Variants in PABPC4L observed in about 807,000 individuals in gnomAD.
PABPC4L encodes the protein polyadenylate-binding protein 4-like.
For missense variants in PABPC4L, 452 were observed against 451.4 expected (o/e 1.00, Z -0.01); for synonymous variants, 169 against 164.1 (o/e 1.03, Z -0.23).
the PABPC4L span, among the ~76,000 whole-genome samples, chr4:134,052,970 G>T: frequency 6.6e-6 from 1 of 152,020 alleles, no homozygotes; most frequent in Non-Finnish European, 1.5e-5. Context: ...TTCTTTGGAA[G>T]CATGACTGTG....
At chr4:134,187,649 A>T in the PABPC4L span, among the ~76,000 whole-genome samples, 1 of 151,896 alleles carries the variant, frequency 6.6e-6, no homozygotes, top group Non-Finnish European at 1.5e-5. Context: ...ATTTTTGGAG[A>T]ATTGACTCCT....
chr4:134,156,252 A>T, the PABPC4L span, among the ~76,000 whole-genome samples: 3 of 151,992 alleles, frequency 2.0e-5, no homozygotes, highest in African/African-American at 7.2e-5. Flanking sequence ...GTTAAGAAGA[A>T]GTATAAATTA....
At chr4:134,026,599 T>C in the PABPC4L span, among the ~76,000 whole-genome samples, 1 of 152,150 alleles carries the variant, frequency 6.6e-6, no homozygotes, top group Non-Finnish European at 1.5e-5. Flanking sequence ...GGGGTAGCCC[T>C]ATGTTATGGG....
the PABPC4L span, among the ~76,000 whole-genome samples, chr4:134,099,254 C>A: frequency 6.6e-6 from 1 of 151,584 alleles, no homozygotes; most frequent in Non-Finnish European, 1.5e-5. Flanking sequence ...TTAAAATTAT[C>A]TTTTTCTAAA....
the PABPC4L span, among the ~76,000 whole-genome samples, chr4:134,093,957 A>T: frequency 2.0e-5 from 3 of 151,604 alleles, no homozygotes; most frequent in Non-Finnish European, 4.4e-5. Context: ...TTATATTTTT[A>T]AAAATTTCTT....
the PABPC4L span, among the ~76,000 whole-genome samples, chr4:134,176,196 G>A: frequency 6.6e-6 from 1 of 151,986 alleles, no homozygotes; most frequent in East Asian, 1.9e-4. Flanking sequence ...TAGAAACTGT[G>A]AAGGTATTAA....
the PABPC4L span, among the ~76,000 whole-genome samples, chr4:134,149,879 A>G: frequency 6.6e-6 from 1 of 152,222 alleles, no homozygotes; most frequent in South Asian, 2.1e-4. Flanking sequence ...AAGGGATGGT[A>G]GCAATACTTA....
chr4:133,976,424 A>G, the PABPC4L span, among the ~76,000 whole-genome samples: 1 of 152,128 alleles, frequency 6.6e-6, no homozygotes, highest in Non-Finnish European at 1.5e-5. Flanking sequence ...ATATGCGTGT[A>G]CATATCTTTA....
chr4:133,959,741 C>A, the PABPC4L span, among the ~76,000 whole-genome samples: 1 of 152,228 alleles, frequency 6.6e-6, no homozygotes, highest in South Asian at 2.1e-4. Flanking sequence ...AACATAAAGT[C>A]TTAAATGACA....
the PABPC4L span, among the ~76,000 whole-genome samples, chr4:134,056,138 C>T: frequency 6.6e-6 from 1 of 151,826 alleles, no homozygotes; most frequent in Admixed American, 6.6e-5. Flanking sequence ...TTTATATCGG[C>T]CTTTTCTGGA....
chr4:133,952,060 G>A, the PABPC4L span, among the ~76,000 whole-genome samples: 1 of 152,002 alleles, frequency 6.6e-6, no homozygotes, highest in Non-Finnish European at 1.5e-5. Context: ...TTTCCCTTAG[G>A]AAACTAAGCA....
the PABPC4L span, among the ~76,000 whole-genome samples, chr4:134,049,989 G>A: frequency 6.6e-6 from 1 of 152,072 alleles, no homozygotes; most frequent in Non-Finnish European, 1.5e-5. Flanking sequence ...TCCTTTCACT[G>A]GTGGGATCAG....
the PABPC4L span, among the ~76,000 whole-genome samples, chr4:134,094,034 T>A: frequency 6.6e-6 from 1 of 151,934 alleles, no homozygotes; most frequent in African/African-American, 2.4e-5. Context: ...GCATGCCATG[T>A]ATGAGAAGTC....
the PABPC4L span, among the ~76,000 whole-genome samples, chr4:134,108,176 C>A: frequency 6.6e-6 from 1 of 151,566 alleles, no homozygotes; most frequent in Non-Finnish European, 1.5e-5. Context: ...TGCACATGTA[C>A]ACATATATAC....
chr4:134,014,432 C>T, the PABPC4L span, among the ~76,000 whole-genome samples: 1 of 152,306 alleles, frequency 6.6e-6, no homozygotes. Context: ...ACTGCCTCCC[C>T]CAGGAACTTG....
chr4:134,079,578 CAAAAAAAAAAAAAAAAAA>C, the PABPC4L span, among the ~76,000 whole-genome samples: 10 of 90,684 alleles, frequency 1.1e-4, no homozygotes, highest in African/African-American at 2.9e-4. Context: ...GACTTCCTCT[CAAAAAAAAAAAAAAAAAA>C]AAAAAAAAAA....
At chr4:133,961,714 G>A in the PABPC4L span, among the ~76,000 whole-genome samples, 36 of 152,026 alleles carry the variant, frequency 2.4e-4, no homozygotes, top group South Asian at 4.2e-4. Flanking sequence ...TTCGCTTGCC[G>A]TCCACCACTG....
chr4:134,078,250 A>G, the PABPC4L span, among the ~76,000 whole-genome samples: 1 of 152,186 alleles, frequency 6.6e-6, no homozygotes, highest in Non-Finnish European at 1.5e-5. Flanking sequence ...TCAAGGCATA[A>G]CATATTCCCT....
At chr4:134,070,575 T>G in the PABPC4L span, among the ~76,000 whole-genome samples, 1 of 152,022 alleles carries the variant, frequency 6.6e-6, no homozygotes, top group African/African-American at 2.4e-5. Context: ...TGGGTGTGCA[T>G]GCACTCACAT....
Sources: allele counts gnomAD v4.1 joint callset (sites outside exome capture counted in the v4.1 genomes callset), GRCh38; gene constraint gnomAD v4.1.1; transcripts MANE v1.5; gene names NCBI Gene and HGNC (gene_info 2026-07-23, HGNC 2026-07-21).